Variants in GALNT11 observed in about 807,000 individuals in gnomAD.
The protein encoded by GALNT11 is polypeptide N-acetylgalactosaminyltransferase 11.
A neutral mutation model predicts 72.7 loss-of-function variants in GALNT11; 47 were observed. The ratio of observed to expected loss-of-function variants is 0.65; its 90% confidence interval spans 0.51 to 0.82. The LOEUF (loss-of-function observed/expected upper bound fraction) is 0.82. Among genes scored for constraint, GALNT11 ranks in the 40% least tolerant of loss-of-function variants. The probability of loss-of-function intolerance (pLI) is 0.00; values close to 1 mark genes in which losing one functional copy is unlikely to be tolerated. For missense variants in GALNT11, 677 were observed against 778.4 expected (o/e 0.87, Z 1.55); for synonymous variants, 270 against 286.6 (o/e 0.94, Z 0.58).
intron 1 of GALNT11, among the ~76,000 whole-genome samples, chr7:152,045,777 C>A (rs1292373835): frequency 6.6e-6 from 1 of 151,612 alleles, no homozygotes; most frequent in Non-Finnish European, 1.5e-5. Flanking sequence ...ATCTTAATTT[C>A]TTTTATTTCT....
intron 1 of GALNT11, among the ~76,000 whole-genome samples, chr7:152,080,678 C>T (rs577989396): frequency 6.8e-4 from 104 of 152,116 alleles, no homozygotes; most frequent in Non-Finnish European, 1.3e-3. Flanking sequence ...ACATTAATTG[C>T]GGGCCAGGTA....
At chr7:152,082,455 C>T (rs889150310) in intron 1 of GALNT11, among the ~76,000 whole-genome samples, 3 of 152,096 alleles carry the variant, frequency 2.0e-5, no homozygotes, top group Non-Finnish European at 4.4e-5. Context: ...GAGGCAAAGG[C>T]AGAGGAGAAC....
intron 1 of GALNT11, among the ~76,000 whole-genome samples, chr7:152,032,382 G>A (rs1038161953): frequency 6.6e-6 from 1 of 151,716 alleles, no homozygotes; most frequent in African/African-American, 2.4e-5. Context: ...TCCAGAACAG[G>A]GAACCATTCT....
intron 1 of GALNT11, among the ~76,000 whole-genome samples, chr7:152,036,021 C>T (rs907792860): frequency 1.3e-5 from 2 of 152,124 alleles, no homozygotes; most frequent in East Asian, 1.9e-4. Context: ...ACTGTCCTTG[C>T]GCATTTGGAC....
chr7:152,075,611 A>G (rs6966444), intron 1 of GALNT11, among the ~76,000 whole-genome samples: 1,987 of 152,226 alleles, frequency 0.013, 40 homozygotes, highest in African/African-American at 0.045. Context: ...GTTTGAGACC[A>G]GCCTCACCAA....
At chr7:152,093,759 A>G (rs1161234950) in intron 1 of GALNT11, among the ~76,000 whole-genome samples, 1 of 152,176 alleles carries the variant, frequency 6.6e-6, no homozygotes. Flanking sequence ...ATTTTTAATA[A>G]TAGATTTTTA....
chr7:152,033,358 A>G (rs556316744), intron 1 of GALNT11, among the ~76,000 whole-genome samples: 2 of 152,268 alleles, frequency 1.3e-5, no homozygotes, highest in South Asian at 4.2e-4. Context: ...TCTGAGGGCC[A>G]TGACTAAGGC....
chr7:152,116,725 A>T (rs1461146897), intron 8 of GALNT11, among the ~76,000 whole-genome samples: 1 of 152,234 alleles, frequency 6.6e-6, no homozygotes, highest in Non-Finnish European at 1.5e-5. Flanking sequence ...CTAAATGCAG[A>T]TGTGAGAATT....
intron 1 of GALNT11, among the ~76,000 whole-genome samples, chr7:152,026,122 C>T (rs2151968754): frequency 6.6e-6 from 1 of 152,250 alleles, no homozygotes; most frequent in South Asian, 2.1e-4. Flanking sequence ...GGGCGAGGAC[C>T]AGGGCGCTGG....
chr7:152,029,762 C>A (rs950073942), intron 1 of GALNT11, among the ~76,000 whole-genome samples: 1 of 152,202 alleles, frequency 6.6e-6, no homozygotes, highest in Non-Finnish European at 1.5e-5. Context: ...TCCTTAATCA[C>A]CCAGGAGGAA....
chr7:152,091,518 G>A (rs1209192456), intron 1 of GALNT11, among the ~76,000 whole-genome samples: 1 of 152,062 alleles, frequency 6.6e-6, no homozygotes, highest in East Asian at 1.9e-4. Context: ...GGGATTACAG[G>A]CGTGAGCCAC....
At chr7:152,116,685 T>C (rs902928584) in intron 8 of GALNT11, among the ~76,000 whole-genome samples, 2 of 152,208 alleles carry the variant, frequency 1.3e-5, no homozygotes, top group African/African-American at 4.8e-5. Flanking sequence ...AAAATACATA[T>C]ATTTAACCAA....
At chr7:152,046,138 G>A (rs2083108842) in intron 1 of GALNT11, among the ~76,000 whole-genome samples, 1 of 152,062 alleles carries the variant, frequency 6.6e-6, no homozygotes, top group Admixed American at 6.6e-5. Context: ...TTATTCTGTT[G>A]TGGTCGGAGA....
intron 7 of GALNT11, 74 bp downstream of exon 7, chr7:152,110,719 C>G: frequency 9.1e-7 from 1 of 1,101,146 alleles, no homozygotes; most frequent in Non-Finnish European, 1.3e-6. Flanking sequence ...CTCATATTTT[C>G]TTTATATTCT....
chr7:152,117,567 G>A, intron 9 of GALNT11, 192 bp downstream of exon 9: 1 of 616,086 alleles, frequency 1.6e-6, no homozygotes, highest in East Asian at 2.8e-5. Context: ...GTAGATCCTT[G>A]CCTTGCCGGC....
chr7:152,089,335 A>G (rs965723695), intron 1 of GALNT11, among the ~76,000 whole-genome samples: 1 of 152,210 alleles, frequency 6.6e-6, no homozygotes, highest in African/African-American at 2.4e-5. Flanking sequence ...CTGGTGCCAT[A>G]AAGAAATAGC....
intron 1 of GALNT11, among the ~76,000 whole-genome samples, chr7:152,036,749 C>T (rs1466998163): frequency 6.6e-6 from 1 of 152,150 alleles, no homozygotes; most frequent in Non-Finnish European, 1.5e-5. Context: ...CACCATCATT[C>T]ATTATTGCCT....
At chr7:152,075,697 G>A (rs2084917121) in intron 1 of GALNT11, among the ~76,000 whole-genome samples, 1 of 152,020 alleles carries the variant, frequency 6.6e-6, no homozygotes, top group African/African-American at 2.4e-5. Flanking sequence ...TTGGGAGGCT[G>A]AGGCAGGAGA....
intron 7 of GALNT11, among the ~76,000 whole-genome samples, chr7:152,110,920 C>CT (rs1474595271): frequency 2.0e-5 from 3 of 151,974 alleles, no homozygotes; most frequent in African/African-American, 7.3e-5. Flanking sequence ...GGGCGTCTCA[C>CT]TATGTTGCCC....
Sources: allele counts gnomAD v4.1 joint callset (sites outside exome capture counted in the v4.1 genomes callset), GRCh38; gene constraint gnomAD v4.1.1; transcripts MANE v1.5; gene names NCBI Gene and HGNC (gene_info 2026-07-23, HGNC 2026-07-21).